Variants in STPG2 observed in about 807,000 individuals in gnomAD.
The protein encoded by STPG2 is sperm-tail PG-rich repeat-containing protein 2.
STPG2 carries 56 observed loss-of-function variants against 54.2 expected under a neutral mutation model. The observed-to-expected ratio is 1.03, with a 90% confidence interval of 0.83 to 1.29. The LOEUF (loss-of-function observed/expected upper bound fraction) is 1.29. STPG2 is among the 50% of genes most tolerant of loss of function. The pLI is 0.00. For synonymous variants in STPG2, 200 were observed against 181.8 expected, an observed-to-expected ratio of 1.10 and a Z score of -0.81; for missense variants, 596 against 544.9, an observed-to-expected ratio of 1.09 and a Z score of -0.93.
At chr4:97,798,087 C>A (rs933540356) in intron 9 of STPG2, among the ~76,000 whole-genome samples, 8 of 151,400 alleles carry the variant, frequency 5.3e-5, no homozygotes, top group African/African-American at 1.9e-4. Context: ...TTCTTTATTA[C>A]TCTTGCTAGT....
chr4:97,986,676 C>T (rs2149266530), intron 5 of STPG2, among the ~76,000 whole-genome samples: 1 of 152,284 alleles, frequency 6.6e-6, no homozygotes, highest in African/African-American at 2.4e-5. Context: ...ATAGATGGTT[C>T]TATTCAAATA....
chr4:98,099,456 C>T (rs1296448719), intron 5 of STPG2, among the ~76,000 whole-genome samples: 1 of 151,984 alleles, frequency 6.6e-6, no homozygotes, highest in Non-Finnish European at 1.5e-5. Flanking sequence ...AGGATGATTA[C>T]CAGATGCTGG....
chr4:97,981,200 G>A lies in STPG2; in HGVS notation c.731C>T (p.Ala244Val). The A allele has an allele frequency of 1.2e-6, 2 of 1,613,988 alleles. No homozygotes were observed. Among genetic ancestry groups the A allele is most frequent in the Admixed American group, 1.7e-5 (1 of 60,032 alleles). Residue 244 changes from alanine to valine, a missense_variant, in exon 6 of 11, where the codon GCT becomes GTT. Physicochemically the swap from Ala to Val is moderately conservative, Grantham distance 64. Transcript: ENST00000295268. ...CCTGATGTCCTGTGTGAATCGAACA[G>A]CACTTTGACCAAATGGAATATTTTT... ...GLKNIPFGQS[A>V]VRFTQDIRTE... is the part of the protein sequence containing the mutation.
chr4:97,957,296 T>G (rs990511300), intron 7 of STPG2, among the ~76,000 whole-genome samples: 1 of 151,130 alleles, frequency 6.6e-6, no homozygotes, highest in African/African-American at 2.4e-5. Context: ...CTGGAAAGTC[T>G]CAGCAATAGA....
At chr4:97,949,499 G>A (rs956732953) in intron 7 of STPG2, among the ~76,000 whole-genome samples, 2 of 151,948 alleles carry the variant, frequency 1.3e-5, no homozygotes, top group Non-Finnish European at 2.9e-5. Flanking sequence ...TTGTTTTATA[G>A]GCCGTGTGAG....
chr4:97,634,811 G>A (rs1308435177), intron 10 of STPG2, among the ~76,000 whole-genome samples: 2 of 151,200 alleles, frequency 1.3e-5, no homozygotes, highest in Non-Finnish European at 3.0e-5. Flanking sequence ...AAAGAAATGA[G>A]CAAAGCCTCC....
intron 1 of STPG2, among the ~76,000 whole-genome samples, chr4:98,142,394 T>C (rs1416765846): frequency 1.3e-5 from 2 of 152,180 alleles, no homozygotes; most frequent in Non-Finnish European, 2.9e-5. Context: ...AAAATTGATG[T>C]ATTTATTTTT....
At chr4:97,937,707 G>A (rs1732799121) in intron 8 of STPG2, among the ~76,000 whole-genome samples, 1 of 152,118 alleles carries the variant, frequency 6.6e-6, no homozygotes, top group African/African-American at 2.4e-5. Context: ...TCCTGCACAT[G>A]GAGATGTCAC....
rs564637081 is a variant in STPG2 at position 97,981,281 on chromosome 4, C to T, written c.650G>A (p.Gly217Asp). 1 of 1,613,890 alleles carries T rather than the reference C, an allele frequency of 6.2e-7. No individual in the cohort carries two copies. The highest frequency in any genetic ancestry group is 1.1e-5 in the South Asian group (1 of 91,076). The change falls in exon 6 of 11, where the codon GGC (glycine) becomes GAC (aspartate). Residue 217 changes from glycine to aspartate, a missense_variant. Gly to Asp is a moderately conservative substitution (Grantham distance 94, BLOSUM62 -1). Transcript: ENST00000295268. ...AGCAGTTCGAGGTTCATTATATGTGCCAGGAGCCGGGGTGATTGATTTCAT... is the reference window on the plus strand; with the variant it reads ...AGCAGTTCGAGGTTCATTATATGTGTCAGGAGCCGGGGTGATTGATTTCAT... The part of the protein sequence containing the change: ...LPMKSITPAP[G>D]TYNEPRTALK...
chr4:97,895,253 T>C (rs1192682200), intron 8 of STPG2, among the ~76,000 whole-genome samples: 1 of 151,860 alleles, frequency 6.6e-6, no homozygotes, highest in Admixed American at 6.6e-5. Flanking sequence ...CTGCCTAATC[T>C]ACACCTAAAA....
chr4:97,486,609 G>A (rs1300340231), intron 4 of STPG2, among the ~76,000 whole-genome samples: 1 of 151,684 alleles, frequency 6.6e-6, no homozygotes, highest in Non-Finnish European at 1.5e-5. Flanking sequence ...ACAGTGTGGA[G>A]ATTCCTTAAA....
Position 97,981,258 on chromosome 4 carries a change from C to A in STPG2, c.673G>T (p.Ala225Ser). Reference sequence around the variant, plus strand: ...GATGTTTTCTTCAAAGACTTGAGAGCAGTTCGAGGTTCATTATATGTGCCA... The same window carrying A: ...GATGTTTTCTTCAAAGACTTGAGAGAAGTTCGAGGTTCATTATATGTGCCA... ...APGTYNEPRT[A>S]LKSLKKTSGL... is the part of the protein sequence containing the mutation. The change falls in exon 6 of 11, where the codon GCT becomes TCT. Residue 225 changes from alanine (A) to serine (S), a missense_variant. Ala to Ser is a moderately conservative substitution (Grantham distance 99, BLOSUM62 1). Transcript: ENST00000295268. 1 of 1,613,998 alleles carries A rather than the reference C, an allele frequency of 6.2e-7. No individual in the cohort carries two copies. The highest frequency in any genetic ancestry group is 8.5e-7 in the Non-Finnish European group (1 of 1,179,954).
intron 5 of STPG2, among the ~76,000 whole-genome samples, chr4:97,983,820 G>GA (rs1304282787): frequency 2.0e-5 from 3 of 152,124 alleles, no homozygotes; most frequent in Non-Finnish European, 4.4e-5. Flanking sequence ...ATGAGAGGGA[G>GA]AAACACACAC....
chr4:97,997,920 T>C (rs1735294601), intron 5 of STPG2, among the ~76,000 whole-genome samples: 1 of 152,024 alleles, frequency 6.6e-6, no homozygotes, highest in Non-Finnish European at 1.5e-5. Context: ...ACCCCGAACC[T>C]AAAATGAAAA....
At chr4:97,772,449 T>A (rs1441725304) in intron 9 of STPG2, among the ~76,000 whole-genome samples, 1 of 152,186 alleles carries the variant, frequency 6.6e-6, no homozygotes, top group African/African-American at 2.4e-5. Context: ...ATACCCTTTT[T>A]ACCAGAGAGT....
chr4:97,943,715 G>A (rs1477724264), intron 8 of STPG2, among the ~76,000 whole-genome samples, 182 bp downstream of exon 8: 1 of 152,076 alleles, frequency 6.6e-6, no homozygotes, highest in Non-Finnish European at 1.5e-5. Flanking sequence ...TAGCAATTCT[G>A]GACTTTGGCA....
chr4:98,097,712 T>C (rs1486703781), intron 5 of STPG2, among the ~76,000 whole-genome samples: 2 of 152,170 alleles, frequency 1.3e-5, no homozygotes, highest in Non-Finnish European at 2.9e-5. Flanking sequence ...TATGATCTTA[T>C]ATTCTGGAAA....
chr4:97,971,219 T>A (rs1734313014), intron 7 of STPG2, among the ~76,000 whole-genome samples: 1 of 152,196 alleles, frequency 6.6e-6, no homozygotes, highest in Non-Finnish European at 1.5e-5. Flanking sequence ...TGTAAATTAG[T>A]TAATCATTGT....
At chr4:97,717,244 C>T (rs1724317999) in intron 9 of STPG2, among the ~76,000 whole-genome samples, 1 of 152,100 alleles carries the variant, frequency 6.6e-6, no homozygotes, top group Admixed American at 6.5e-5. Flanking sequence ...TTTTTGCCAT[C>T]CCTTTAAATT....
Sources: allele counts gnomAD v4.1 joint callset (sites outside exome capture counted in the v4.1 genomes callset), GRCh38; gene constraint gnomAD v4.1.1; transcripts MANE v1.5; gene names NCBI Gene and HGNC (gene_info 2026-07-23, HGNC 2026-07-21).